Variants in LMO1 observed in about 807,000 individuals in gnomAD.
LMO1 encodes rhombotin-1.
In LMO1, 10 loss-of-function variants were observed where a neutral mutation model predicts 18.0. The ratio of observed to expected loss-of-function variants is 0.55; its 90% CI spans 0.34 to 0.94. The LOEUF (loss-of-function observed/expected upper bound fraction) is 0.94, where lower values mean the gene tolerates loss of function less well. Among genes scored for constraint, LMO1 ranks in the 40% least tolerant of loss-of-function variants. The probability of loss-of-function intolerance (pLI) is 0.02; values close to 1 mark genes in which losing one functional copy is unlikely to be tolerated. For synonymous variants in LMO1, 77 were observed against 77.9 expected, an observed-to-expected ratio of 0.99 and a Z score of 0.06; for missense variants, 183 against 205.7, an observed-to-expected ratio of 0.89 and a Z score of 0.68.
chr11:8,230,526 G>A, intron 1 of LMO1, 22 bp from the exon 2 acceptor site: 1 of 1,605,642 alleles, frequency 6.2e-7, no homozygotes. Context: ...CAGACAGACA[G>A]CAACGCAGGA....
At chr11:8,245,920 G>T (rs770329166) in intron 1 of LMO1, among the ~76,000 whole-genome samples, 1 of 152,140 alleles carries the variant, frequency 6.6e-6, no homozygotes, top group Non-Finnish European at 1.5e-5. Flanking sequence ...GACAGAAGAG[G>T]AAGGGGAAAA....
At chr11:8,261,891 A>G (rs1469312652) in intron 1 of LMO1, among the ~76,000 whole-genome samples, 1 of 152,152 alleles carries the variant, frequency 6.6e-6, no homozygotes, top group Non-Finnish European at 1.5e-5. Flanking sequence ...CACCCCAGCT[A>G]GCCCAGAAGC....
intron 1 of LMO1, among the ~76,000 whole-genome samples, chr11:8,230,705 G>C (rs1952643335): frequency 6.6e-6 from 1 of 152,166 alleles, no homozygotes; most frequent in Admixed American, 6.5e-5. Context: ...GGCACAGCCT[G>C]TTTCCCTGGC....
At chr11:8,250,226 A>C (rs145971646) in intron 1 of LMO1, among the ~76,000 whole-genome samples, 1,704 of 152,286 alleles carry the variant, frequency 0.011, 35 homozygotes, top group African/African-American at 0.038. Flanking sequence ...TCCTGAGCCA[A>C]CTTCTGCAGA....
At chr11:8,257,081 A>G (rs914712794) in intron 1 of LMO1, among the ~76,000 whole-genome samples, 2 of 152,228 alleles carry the variant, frequency 1.3e-5, no homozygotes, top group Non-Finnish European at 2.9e-5. Flanking sequence ...GCCAACATCC[A>G]TGGTACAAAT....
intron 1 of LMO1, among the ~76,000 whole-genome samples, chr11:8,233,397 C>T (rs564811337): frequency 1.3e-5 from 2 of 152,302 alleles, no homozygotes; most frequent in African/African-American, 4.8e-5. Flanking sequence ...TCCCCCTGGT[C>T]TCTCTGGGCC....
intron 1 of LMO1, among the ~76,000 whole-genome samples, chr11:8,254,609 TATGGTCCCTCCCCACC>T (rs369776490): frequency 0.37 from 56,534 of 151,934 alleles, 12,415 homozygotes; most frequent in Middle Eastern, 0.55. Flanking sequence ...CTGACCTGAT[TATGGTCCCTCCCCACC>T]GAGGCTGGCC....
upstream of LMO1, among the ~76,000 whole-genome samples, chr11:8,264,908 G>A (rs576956788): frequency 1.3e-5 from 2 of 152,260 alleles, no homozygotes; most frequent in South Asian, 4.1e-4. Flanking sequence ...TGGGATTACA[G>A]GCGTGAGCTG....
upstream of LMO1, among the ~76,000 whole-genome samples, chr11:8,267,509 C>A (rs1336943964): frequency 1.3e-5 from 2 of 152,154 alleles, no homozygotes; most frequent in Non-Finnish European, 2.9e-5. Flanking sequence ...CCAGCCTCGG[C>A]GGATGGTCTC....
chr11:8,250,348 C>T (rs1380385547), intron 1 of LMO1, among the ~76,000 whole-genome samples: 1 of 152,170 alleles, frequency 6.6e-6, no homozygotes, highest in Non-Finnish European at 1.5e-5. Flanking sequence ...ATTATTTCAA[C>T]CAATTTTAAT....
chr11:8,235,174 GCTTT>G (rs1277338737), intron 1 of LMO1, among the ~76,000 whole-genome samples: 1 of 152,226 alleles, frequency 6.6e-6, no homozygotes, highest in African/African-American at 2.4e-5. Context: ...TCGGGCACTT[GCTTT>G]CTTTTTCTTT....
At chr11:8,231,739 C>A (rs897855871) in intron 1 of LMO1, among the ~76,000 whole-genome samples, 1 of 152,120 alleles carries the variant, frequency 6.6e-6, no homozygotes, top group Non-Finnish European at 1.5e-5. Context: ...CTCCAAAGGA[C>A]CCCTGCTCTC....
At chr11:8,233,406 C>T (rs563692890) in intron 1 of LMO1, among the ~76,000 whole-genome samples, 9 of 152,176 alleles carry the variant, frequency 5.9e-5, no homozygotes, top group Non-Finnish European at 1.3e-4. Context: ...TCTCTCTGGG[C>T]CTAACTTCCT....
chr11:8,233,719 G>C (rs1335047500), intron 1 of LMO1, among the ~76,000 whole-genome samples: 1 of 103,254 alleles, frequency 9.7e-6, no homozygotes, highest in Non-Finnish European at 1.9e-5. Context: ...CACCCAATCT[G>C]CCAGCCTGCC....
chr11:8,228,452 G>T (rs1400705604), intron 2 of LMO1, among the ~76,000 whole-genome samples: 1 of 152,220 alleles, frequency 6.6e-6, no homozygotes, highest in Non-Finnish European at 1.5e-5. Context: ...TGGTGGCTCA[G>T]ATTAAGGCAG....
chr11:8,256,857 G>A (rs1847107203), intron 1 of LMO1, among the ~76,000 whole-genome samples: 1 of 152,254 alleles, frequency 6.6e-6, no homozygotes, highest in African/African-American at 2.4e-5. Context: ...GATGGTCAAA[G>A]CAGCAGTAGG....
At chr11:8,230,642 T>G in intron 1 of LMO1, 138 bp from the exon 2 acceptor site, 1 of 825,080 alleles carries the variant, frequency 1.2e-6, no homozygotes, top group African/African-American at 1.7e-5. Context: ...AGCCCTCGCT[T>G]TCTCCCCAAT....
intron 1 of LMO1, among the ~76,000 whole-genome samples, chr11:8,248,660 G>A (rs757869489): frequency 3.9e-5 from 6 of 152,230 alleles, no homozygotes; most frequent in Non-Finnish European, 8.8e-5. Context: ...CGTGAGCCAC[G>A]CCTCTTTCCC....
At chr11:8,235,599 G>A (rs1218594901) in intron 1 of LMO1, among the ~76,000 whole-genome samples, 1 of 152,086 alleles carries the variant, frequency 6.6e-6, no homozygotes, top group Non-Finnish European at 1.5e-5. Flanking sequence ...GCATTCAGTT[G>A]TCAAGTTTAG....
Sources: allele counts gnomAD v4.1 joint callset (sites outside exome capture counted in the v4.1 genomes callset), GRCh38; gene constraint gnomAD v4.1.1; transcripts MANE v1.5; gene names NCBI Gene and HGNC (gene_info 2026-07-23, HGNC 2026-07-21).